The following CD44 variants were observed in gnomAD, a reference collection of about 807,000 sequenced individuals.
The protein encoded by CD44 is CD44 molecule (IN blood group).
A neutral mutation model predicts 88.8 loss-of-function variants in CD44; 49 were observed. The ratio of observed to expected loss-of-function variants is 0.55; its 90% CI spans 0.44 to 0.70. The LOEUF (loss-of-function observed/expected upper bound fraction) is 0.70, where lower values mean the gene tolerates loss of function less well. Ranked by LOEUF, CD44 falls within the 30% of genes least tolerant of loss-of-function variation. CD44 has a pLI of 0.00. For synonymous variants in CD44, 325 were observed against 312.3 expected, an observed-to-expected ratio of 1.04 and a Z score of -0.43; for missense variants, 883 against 913.8, an observed-to-expected ratio of 0.97 and a Z score of 0.43.
intron 5 of CD44, among the ~76,000 whole-genome samples, chr11:35,194,960 G>A (rs1946593006): frequency 6.6e-6 from 1 of 152,330 alleles, no homozygotes; most frequent in East Asian, 1.9e-4. Context: ...ATAAGAGAAG[G>A]AAATGCAGAT....
chr11:35,170,479 C>T (rs1327124568), intron 1 of CD44, among the ~76,000 whole-genome samples: 1 of 152,156 alleles, frequency 6.6e-6, no homozygotes, highest in Non-Finnish European at 1.5e-5. Flanking sequence ...TAGTAATGAG[C>T]GTGCTAAAGG....
chr11:35,211,927 G>A (rs61882764), intron 14 of CD44, among the ~76,000 whole-genome samples: 9,994 of 152,044 alleles, frequency 0.066, 375 homozygotes, highest in Middle Eastern at 0.092. Flanking sequence ...TTATTATCTT[G>A]TTTTGGTAAT....
At chr11:35,201,868 A>C in intron 9 of CD44, 81 bp downstream of exon 9, 1 of 1,416,018 alleles carries the variant, frequency 7.1e-7, no homozygotes, top group Admixed American at 1.9e-5. Context: ...TTTGTTTAGA[A>C]ATTGGCCGCA....
intron 11 of CD44, 32 bp downstream of exon 11, chr11:35,206,275 T>G (rs1205884580): frequency 2.2e-5 from 35 of 1,565,936 alleles, no homozygotes; most frequent in Non-Finnish European, 2.8e-5. Context: ...ATATATTATG[T>G]TTTTTGAAAT....
intron 5 of CD44, among the ~76,000 whole-genome samples, chr11:35,192,922 C>A (rs184595696): frequency 1.3e-5 from 2 of 150,840 alleles, no homozygotes; most frequent in African/African-American, 4.9e-5. Flanking sequence ...ACAAAAATAA[C>A]GCCTATTTCT....
chr11:35,185,624 CCTT>C (rs1945591330), intron 3 of CD44, among the ~76,000 whole-genome samples: 1 of 152,202 alleles, frequency 6.6e-6, no homozygotes, highest in Admixed American at 6.5e-5. Context: ...CCATCCATCT[CCTT>C]CTTCCTCTTT....
At chr11:35,192,524 G>T (rs1377358097) in intron 5 of CD44, among the ~76,000 whole-genome samples, 2 of 152,208 alleles carry the variant, frequency 1.3e-5, no homozygotes, top group Non-Finnish European at 2.9e-5. Flanking sequence ...AGTGCTGGCT[G>T]AGAGCACAGA....
intron 10 of CD44, 51 bp downstream of exon 10, chr11:35,204,691 A>G: frequency 1.3e-6 from 2 of 1,555,154 alleles, no homozygotes; most frequent in Non-Finnish European, 1.8e-6. Context: ...CTTTTGGGTT[A>G]AACGGTAGAC....
At chr11:35,215,078 C>T (rs992336621) in intron 15 of CD44, 164 bp downstream of exon 15, 3 of 417,442 alleles carry the variant, frequency 7.2e-6, no homozygotes, top group Non-Finnish European at 1.3e-5. Context: ...CTGGACCCCA[C>T]CCTTAAGGTT....
intron 1 of CD44, among the ~76,000 whole-genome samples, chr11:35,143,688 C>T (rs1858468440): frequency 2.0e-5 from 3 of 152,204 alleles, no homozygotes; most frequent in African/African-American, 7.2e-5. Flanking sequence ...GCTTCTCTCT[C>T]CATCCCCGGC....
intron 1 of CD44, among the ~76,000 whole-genome samples, chr11:35,167,996 G>T (rs1264523066): frequency 6.6e-6 from 1 of 152,204 alleles, no homozygotes; most frequent in Non-Finnish European, 1.5e-5. Flanking sequence ...CCACTGCTGG[G>T]GAAAGCCAGT....
At chr11:35,139,680 T>C (rs1857512359) in intron 1 of CD44, 2 of 625,302 alleles carry the variant, frequency 3.2e-6, no homozygotes, top group South Asian at 2.9e-5. Context: ...TTCTCCCGGA[T>C]GCGCACAGTC....
intron 14 of CD44, chr11:35,213,555 G>A (rs1832454027): frequency 6.6e-6 from 1 of 152,226 alleles, no homozygotes; most frequent in African/African-American, 2.4e-5. Flanking sequence ...AGGAGACTAA[G>A]GCATGAAAAT....
intron 1 of CD44, among the ~76,000 whole-genome samples, chr11:35,153,371 T>C (rs1479895599): frequency 6.6e-6 from 1 of 152,174 alleles, no homozygotes; most frequent in African/African-American, 2.4e-5. Flanking sequence ...TTGGAACTGG[T>C]TCCCTGTGCA....
intron 1 of CD44, among the ~76,000 whole-genome samples, chr11:35,169,278 A>G (rs1447172300): frequency 6.6e-6 from 1 of 152,220 alleles, no homozygotes; most frequent in Non-Finnish European, 1.5e-5. Context: ...AAGCCCACAG[A>G]GAAGTTCCAA....
intron 5 of CD44, among the ~76,000 whole-genome samples, chr11:35,195,426 G>C (rs763318093): frequency 3.3e-5 from 5 of 151,282 alleles, no homozygotes; most frequent in Admixed American, 6.6e-5. Flanking sequence ...GGGTGGGGAG[G>C]GGGGATACAG....
At chr11:35,228,644 G>T (rs967802456) in intron 17 of CD44, among the ~76,000 whole-genome samples, 1 of 152,154 alleles carries the variant, frequency 6.6e-6, no homozygotes, top group Non-Finnish European at 1.5e-5. Context: ...AGTTACTTGG[G>T]GGAAGTTACT....
intron 15 of CD44, among the ~76,000 whole-genome samples, chr11:35,215,182 T>A (rs1430945884): frequency 2.6e-5 from 4 of 152,232 alleles, no homozygotes; most frequent in Non-Finnish European, 5.9e-5. Context: ...GATTGCACTT[T>A]GAGAGCTACT....
At chr11:35,180,124 G>T in intron 2 of CD44, 150 bp from the exon 3 acceptor site, 4 of 652,806 alleles carry the variant, frequency 6.1e-6, no homozygotes, top group South Asian at 2.2e-5. Context: ...GTTATTTTTG[G>T]ATTTCAAATA....
Sources: gnomAD v4.1 joint callset for allele counts (sites outside exome capture counted in the v4.1 genomes callset) on GRCh38, gnomAD v4.1.1 for gene constraint, MANE v1.5 for transcripts, NCBI Gene and HGNC (gene_info 2026-07-23, HGNC 2026-07-21) for gene names.